The following GLIS3 variants were observed in gnomAD, a reference collection of about 807,000 sequenced individuals.
GLIS3 encodes GLIS family zinc finger 3.
Under a neutral mutation model 78.6 loss-of-function variants are expected in GLIS3, and 53 were observed. The observed-to-expected ratio is 0.67, with a 90% CI of 0.54 to 0.85. The LOEUF (loss-of-function observed/expected upper bound fraction) is 0.85. Among genes scored for constraint, GLIS3 ranks in the 40% least tolerant of loss-of-function variants. The pLI, the probability that GLIS3 is intolerant of heterozygous loss-of-function variation, is 0.00. For missense variants in GLIS3, 1,703 were observed against 1,231.1 expected (o/e 1.38, Z -5.74); for synonymous variants, 684 against 509.9 (o/e 1.34, Z -4.60).
rs115630709 is a variant in GLIS3 at position 3,921,461 on chromosome 9, G to A, written c.1983+10899C>T. 5.9e-3 allele frequency among the ~76,000 whole-genome samples: 895 copies of A among 152,230 alleles called. 10 individuals carry two copies. The highest frequency in any genetic ancestry group is 0.02 in the African/African-American group (836 of 41,546). On this transcript the variant is annotated intron_variant, in intron 6 of 10. Transcript: ENST00000381971. ...AAACTCAGTCAGGCACAGTTCCAAA[G>A]CCTTACTTGTCCTTTACAAAAAACA... is the stretch of plus-strand genomic sequence containing the variant.
In GLIS3 at chr9:4,063,352, G is replaced by A. The variant is rs73390484; in HGVS notation, c.1710+54416C>T. ...AACCATACTGCAAAGGGGATGATAT[G>A]CTTGGCCTGTCAGTTCAGGAAAGCA... On this transcript the variant is annotated intron_variant, in intron 4 of 10. Coordinates refer to ENST00000381971, the MANE Select transcript of GLIS3 (RefSeq NM_001042413.2). 9.4e-3 allele frequency among the ~76,000 whole-genome samples: 1,424 copies of A among 152,224 alleles called. 19 individuals carry two copies. The highest frequency in any genetic ancestry group is 0.032 in the African/African-American group (1,348 of 41,520).
chr9:3,908,097 A>G (rs892530536), intron 6 of GLIS3, among the ~76,000 whole-genome samples: 2 of 152,168 alleles, frequency 1.3e-5, no homozygotes, highest in Non-Finnish European at 2.9e-5. Flanking sequence ...CTAAGACCTT[A>G]ATTTGCCAGA....
chr9:4,404,610 C>T, the GLIS3 span, among the ~76,000 whole-genome samples: 1 of 152,100 alleles, frequency 6.6e-6, no homozygotes, highest in Non-Finnish European at 1.5e-5. Context: ...CAACATGCTC[C>T]TGAATGACCT....
the GLIS3 span, among the ~76,000 whole-genome samples, chr9:4,381,117 CAAGT>C: frequency 2.6e-5 from 4 of 152,112 alleles, no homozygotes; most frequent in South Asian, 2.1e-4. Flanking sequence ...GAGGAAGAAC[CAAGT>C]AAGTGAGAAA....
the GLIS3 span, among the ~76,000 whole-genome samples, chr9:4,454,015 AT>A: frequency 3.3e-5 from 5 of 152,136 alleles, no homozygotes; most frequent in African/African-American, 1.2e-4. Flanking sequence ...AAGAAAATAA[AT>A]TTTAAAAAAA....
At position 4,259,009 on chromosome 9, in the gene GLIS3, A is replaced by G. The variant is rs377056538; in HGVS notation, c.388+27029T>C. On this transcript the variant is annotated intron_variant, in intron 2 of 10. Coordinates refer to ENST00000381971, the MANE Select transcript of GLIS3 (RefSeq NM_001042413.2). ...AAACCATTTTACTCCAGAAACGCCA[A>G]TGGACCCTTGTGGGTTTGCCATCTC... 4.2e-4 allele frequency among the ~76,000 whole-genome samples: 64 copies of G among 152,238 alleles called. 1 individual carries two copies. In the South Asian group the frequency reaches 6.0e-3, roughly 14 times the overall value.
the GLIS3 span, among the ~76,000 whole-genome samples, chr9:4,397,021 TTTC>T: frequency 7.1e-6 from 1 of 140,772 alleles, no homozygotes; most frequent in Non-Finnish European, 1.5e-5. Flanking sequence ...TTTTTCTTTT[TTTC>T]TTTTTTTTTT....
At chr9:4,395,096 G>A in the GLIS3 span, among the ~76,000 whole-genome samples, 5 of 152,264 alleles carry the variant, frequency 3.3e-5, no homozygotes, top group Admixed American at 3.3e-4. Flanking sequence ...GGCATTTATT[G>A]CATGTCTCCA....
intron 4 of GLIS3, among the ~76,000 whole-genome samples, chr9:3,993,728 T>C (rs1421983777): frequency 6.6e-6 from 1 of 152,224 alleles, no homozygotes; most frequent in Non-Finnish European, 1.5e-5. Context: ...ATAATGTTGA[T>C]GATTGCATGA....
At chr9:4,323,408 CT>C (rs1455559262) in intron 2 of GLIS3, among the ~76,000 whole-genome samples, 1 of 152,092 alleles carries the variant, frequency 6.6e-6, no homozygotes, top group Admixed American at 6.5e-5. Flanking sequence ...CTAGAACTTG[CT>C]TTTTTCCACC....
chr9:4,067,252 TTTATA>T (rs1365688077), intron 4 of GLIS3, among the ~76,000 whole-genome samples: 4 of 151,596 alleles, frequency 2.6e-5, no homozygotes, highest in South Asian at 2.1e-4. Flanking sequence ...AGTATAATAC[TTTATA>T]TTAAAGACTC....
intron 2 of GLIS3, among the ~76,000 whole-genome samples, chr9:4,188,437 G>T (rs1818010839): frequency 1.3e-5 from 2 of 149,216 alleles, no homozygotes; most frequent in South Asian, 4.4e-4. Flanking sequence ...TGTTCATCAA[G>T]GATATTGGTC....
intron 2 of GLIS3, among the ~76,000 whole-genome samples, chr9:4,278,738 T>C (rs1827247436): frequency 6.6e-6 from 1 of 152,224 alleles, no homozygotes. Flanking sequence ...GAGGACAAGA[T>C]ATTCGCACAA....
chr9:4,173,461 G>A (rs1816547794), intron 2 of GLIS3, among the ~76,000 whole-genome samples: 1 of 151,896 alleles, frequency 6.6e-6, no homozygotes, highest in Non-Finnish European at 1.5e-5. Context: ...GGAACAATGT[G>A]GGGCATAAGT....
intron 2 of GLIS3, among the ~76,000 whole-genome samples, chr9:4,229,742 T>C (rs993425306): frequency 1.3e-5 from 2 of 152,254 alleles, no homozygotes; most frequent in Admixed American, 6.5e-5. Context: ...CATGAAGCTC[T>C]TTCAGCTATT....
the GLIS3 span, among the ~76,000 whole-genome samples, chr9:4,375,744 C>T: frequency 6.6e-6 from 1 of 152,172 alleles, no homozygotes; most frequent in South Asian, 2.1e-4. Context: ...TTTCCTGTTG[C>T]CAACCAATAA....
At chr9:4,160,782 C>T (rs1304477686) in intron 2 of GLIS3, among the ~76,000 whole-genome samples, 2 of 152,088 alleles carry the variant, frequency 1.3e-5, no homozygotes, top group East Asian at 3.9e-4. Context: ...CAGATATATT[C>T]TTTTTTAACT....
At chr9:4,204,521 CCA>C (rs1819676438) in intron 2 of GLIS3, among the ~76,000 whole-genome samples, 1 of 152,004 alleles carries the variant, frequency 6.6e-6, no homozygotes, top group African/African-American at 2.4e-5. Flanking sequence ...TAAGAGGAGC[CCA>C]CCAAGGAACT....
the GLIS3 span, among the ~76,000 whole-genome samples, chr9:4,385,522 AGGTGTAGTGATG>A: frequency 6.6e-6 from 1 of 151,916 alleles, no homozygotes; most frequent in Non-Finnish European, 1.5e-5. Flanking sequence ...AAACTTAGCC[AGGTGTAGTGATG>A]GGCACCTGTA....
Sources: gnomAD v4.1 joint callset for allele counts (sites outside exome capture counted in the v4.1 genomes callset) on GRCh38, gnomAD v4.1.1 for gene constraint, MANE v1.5 for transcripts, NCBI Gene and HGNC (gene_info 2026-07-23, HGNC 2026-07-21) for gene names.